Variants in NUDT7 observed in about 807,000 individuals in gnomAD.
NUDT7 encodes the protein peroxisomal coenzyme A diphosphatase NUDT7.
In NUDT7, 19 loss-of-function variants were observed where a neutral mutation model predicts 13.1. The observed-to-expected ratio is 1.45, with a 90% CI of 1.01 to 2.13. The LOEUF (loss-of-function observed/expected upper bound fraction) is 2.13, where lower values mean the gene tolerates loss of function less well. Among genes scored for constraint, NUDT7 ranks in the 30% most tolerant of loss-of-function variants. NUDT7 has a pLI of 0.00. For synonymous variants in NUDT7, 132 were observed against 109.7 expected, an observed-to-expected ratio of 1.20 and a Z score of -1.27; for missense variants, 360 against 291.7, an observed-to-expected ratio of 1.23 and a Z score of -1.71.
chr16:77,740,145 TTAA>T (rs1171276553), intron 3 of NUDT7, among the ~76,000 whole-genome samples: 2 of 152,152 alleles, frequency 1.3e-5, no homozygotes, highest in Non-Finnish European at 2.9e-5. Context: ...CTCGGGTAAC[TTAA>T]TGACCCCAAA....
At chr16:77,729,494 G>C (rs2014244460) in intron 2 of NUDT7, among the ~76,000 whole-genome samples, 1 of 151,808 alleles carries the variant, frequency 6.6e-6, no homozygotes, top group Non-Finnish European at 1.5e-5. Context: ...ATAGTAACAT[G>C]TCATCATACA....
At chr16:77,732,385 G>C (rs1340543334) in intron 2 of NUDT7, among the ~76,000 whole-genome samples, 3 of 151,850 alleles carry the variant, frequency 2.0e-5, no homozygotes, top group Non-Finnish European at 4.4e-5. Context: ...TAAGTGTCTA[G>C]TATTTATGAA....
rs774755485 is a variant in NUDT7 at position 77,722,551 on chromosome 16, A to T, written c.-32A>T. The T allele has an allele frequency of 3.2e-6, 5 of 1,568,630 alleles. No individual in the cohort carries two copies. In the East Asian group the frequency reaches 1.2e-4, roughly 37 times the overall value. On this transcript the variant is annotated 5_prime_UTR_variant, in exon 1 of 4. Coordinates refer to ENST00000268533, the MANE Select transcript of NUDT7 (RefSeq NM_001105663.3). ...CGCGACCGACCGAGCAGCTCCGAGG[A>T]GTCCGCCCGGAAACAAACATTCCCC... is the stretch of plus-strand genomic sequence containing the variant.
At chr16:77,735,288 A>G (rs532282721) in intron 2 of NUDT7, 34 of 407,798 alleles carry the variant, frequency 8.3e-5, no homozygotes, top group African/African-American at 6.1e-4. Context: ...ACGTGGGCGG[A>G]TTTCCCCCTT....
At chr16:77,730,400 C>T (rs908622769) in intron 2 of NUDT7, among the ~76,000 whole-genome samples, 3 of 152,048 alleles carry the variant, frequency 2.0e-5, no homozygotes, top group Non-Finnish European at 4.4e-5. Context: ...CTTATTTTAC[C>T]TAACATAATT....
chr16:77,735,854 C>T lies in NUDT7; in HGVS notation c.216C>T (p.Cys72=), dbSNP rs772899923. The T allele has an allele frequency of 5.0e-6, 8 of 1,613,826 alleles. No homozygotes were observed. In the East Asian group the frequency reaches 1.8e-4, roughly 36 times the overall value. Residue 72 remains cysteine (C), a synonymous_variant, in exon 3 of 4, where the codon TGC becomes TGT. Transcript: ENST00000268533. Reference sequence around the variant, plus strand: ...TAAGAAGGGCCCCTGGAGAAGTTTGCTTCCCTGGAGGTAAGCGTGACCCTA... The same window carrying T: ...TAAGAAGGGCCCCTGGAGAAGTTTGTTTCCCTGGAGGTAAGCGTGACCCTA... The part of the protein sequence containing the change: ...EKLRRAPGEV[C]FPGGKRDPTD...
At chr16:77,729,943 A>G (rs921344049) in intron 2 of NUDT7, among the ~76,000 whole-genome samples, 1 of 151,936 alleles carries the variant, frequency 6.6e-6, no homozygotes, top group Non-Finnish European at 1.5e-5. Context: ...TAGCTAATCA[A>G]TGTACTAACT....
rs149077722 is a variant in NUDT7 at position 77,736,732 on chromosome 16, C to G, written c.348+746C>G. ...CCTCCCACCTCAGCCTCCCAAAGTG[C>G]TGGGATTACAGGTGTGAACCACTGT... On this transcript the variant is annotated intron_variant, in intron 3 of 3. Coordinates refer to ENST00000268533, the MANE Select transcript of NUDT7 (RefSeq NM_001105663.3). 5.4e-3 allele frequency: 1,375 copies of G among 253,600 alleles called. 14 individuals carry two copies. The highest frequency in any genetic ancestry group is 0.028 in the African/African-American group (1,218 of 44,170). 15.7% of individuals were successfully genotyped at this position (253,600 alleles called of 1,614,324 possible).
At chr16:77,723,140 A>C (rs2014015003) in intron 1 of NUDT7, among the ~76,000 whole-genome samples, 1 of 151,614 alleles carries the variant, frequency 6.6e-6, no homozygotes, top group Admixed American at 6.6e-5. Context: ...TGATTATTCC[A>C]GCGGCCAGCC....
At position 77,741,866 on chromosome 16, in the gene NUDT7, G is replaced by C. The variant is rs188559406; in HGVS notation, c.633G>C (p.Glu211Asp). 7 of 1,614,068 alleles carry C rather than the reference G, an allele frequency of 4.3e-6. No individual in the cohort carries two copies. In the East Asian group the frequency reaches 1.6e-4, roughly 36 times the overall value. The change falls in exon 4 of 4, where the codon GAG becomes GAC. Residue 211 changes from glutamate to aspartate, a missense_variant. Physicochemically the swap from Glu to Asp is conservative, Grantham distance 45. Transcript: ENST00000268533. ...TTTTGGAAAAAAAACCCACCTTTGA[G>C]GTTCAATTTAATCTTAATGATGTAT... The part of the protein sequence containing the change: ...FIILEKKPTF[E>D]VQFNLNDVLA...
intron 1 of NUDT7, 94 bp from the exon 2 acceptor site, chr16:77,725,337 A>G (rs2014096328): frequency 8.5e-7 from 1 of 1,178,854 alleles, no homozygotes; most frequent in African/African-American, 1.5e-5. Flanking sequence ...GCAAACTCCT[A>G]AATACACAAC....
chr16:77,741,781 G>A lies in NUDT7; in HGVS notation c.548G>A (p.Gly183Asp), dbSNP rs1229708008. The A allele has an allele frequency of 5.0e-6, 8 of 1,613,992 alleles. No individual in the cohort carries two copies. The highest frequency in any genetic ancestry group is 2.2e-5 in the East Asian group (1 of 44,886). The change falls in exon 4 of 4, where the codon GGT becomes GAT. Residue 183 changes from glycine to aspartate, a missense_variant. By Grantham distance (94) the Gly-to-Asp change is moderately conservative. Coordinates refer to ENST00000268533, the MANE Select transcript of NUDT7 (RefSeq NM_001105663.3). ...HIFEYTNPEDGVTYQIKGMTA... is the reference protein window; with the variant it reads ...HIFEYTNPEDDVTYQIKGMTA... ...TTTGAGTACACAAACCCTGAAGACG[G>A]TGTCACTTACCAGATCAAGGGAATG...
intron 2 of NUDT7, among the ~76,000 whole-genome samples, chr16:77,733,321 T>C (rs938193828): frequency 1.3e-5 from 2 of 152,178 alleles, no homozygotes; most frequent in Non-Finnish European, 2.9e-5. Context: ...TGGAGTCTGG[T>C]GAGGGCCCTG....
chr16:77,731,820 T>C (rs953477483), intron 2 of NUDT7, among the ~76,000 whole-genome samples: 4 of 152,012 alleles, frequency 2.6e-5, no homozygotes, highest in Admixed American at 2.6e-4. Flanking sequence ...GTGTGTTGTA[T>C]CTTAGTTTTT....
Position 77,741,948 on chromosome 16 carries a change from T to G in NUDT7, c.715T>G (p.Ter239GlyextTer30). 6.3e-7 allele frequency: 1 copy of G among 1,587,038 alleles called. No individual in the cohort carries two copies. Among genetic ancestry groups the G allele is most frequent in the Non-Finnish European group, 8.6e-7 (1 of 1,167,884 alleles). Residue 239 changes from the stop codon to glycine, a stop_lost, in exon 4 of 4, where the codon TGA (stop) becomes GGA (glycine). Transcript: ENST00000268533. Reference protein sequence around the residue: ...KVHKKATSRL* With the variant: ...KVHKKATSRLG ...TCATAAAAAAGCTACAAGCAGGTTA[T>G]GATTTACTAGAGCAAGAGACAAAGA...
rs1341197660 is a variant in NUDT7 at position 77,725,510 on chromosome 16, A to G, written c.115A>G (p.Lys39Glu). 1 of 1,614,088 alleles carries G rather than the reference A, an allele frequency of 6.2e-7. No homozygotes were observed. Among genetic ancestry groups the G allele is most frequent in the African/African-American group, 1.3e-5 (1 of 75,032 alleles). ...GGKYSHLPYN[K>E]YSVLLPLVAK... Reference sequence around the variant, plus strand: ...CAAATATTCTCACTTGCCATATAACAAATACTCCGTCCTTTTGCCATTGGT... The same window carrying G: ...CAAATATTCTCACTTGCCATATAACGAATACTCCGTCCTTTTGCCATTGGT... The change falls in exon 2 of 4, where the codon AAA becomes GAA. Residue 39 changes from lysine (K) to glutamate (E), a missense_variant. Physicochemically the swap from Lys to Glu is moderately conservative, Grantham distance 56. Transcript: ENST00000268533.
At chr16:77,736,086 C>T in intron 3 of NUDT7, 100 bp downstream of exon 3, 7 of 1,130,654 alleles carry the variant, frequency 6.2e-6, no homozygotes, top group Non-Finnish European at 9.1e-6. Flanking sequence ...CCAAAGAGTA[C>T]TGTACATAAA....
Position 77,742,134 on chromosome 16 carries a change from A to C in NUDT7, c.*184A>C. The C allele has an allele frequency of 7.6e-7, 1 of 1,320,820 alleles. No homozygotes were observed. The highest frequency in any genetic ancestry group is 2.1e-5 in the South Asian group (1 of 48,610). 81.8% of individuals were successfully genotyped at this position (1,320,820 alleles called of 1,614,324 possible). On this transcript the variant is annotated 3_prime_UTR_variant, in exon 4 of 4. Transcript: ENST00000268533. ...TCTGAAAAAGTAAAAGCCATTCAAA[A>C]ATGAAAACTATGTTCATAGTGTTGC...
At chr16:77,727,155 G>C (rs556116546) in intron 2 of NUDT7, among the ~76,000 whole-genome samples, 2 of 152,138 alleles carry the variant, frequency 1.3e-5, no homozygotes, top group Non-Finnish European at 1.5e-5. Flanking sequence ...TTCAACATGA[G>C]ATTTGGGCAA....
Sources: gnomAD v4.1 joint callset for allele counts (sites outside exome capture counted in the v4.1 genomes callset) on GRCh38, gnomAD v4.1.1 for gene constraint, MANE v1.5 for transcripts, NCBI Gene and HGNC (gene_info 2026-07-23, HGNC 2026-07-21) for gene names.